PARD3B: variants seen among roughly 807,000 people sequenced by gnomAD.
The protein encoded by PARD3B is par-3 family cell polarity regulator beta.
PARD3B carries 103 observed loss-of-function variants against 130.2 expected under a neutral mutation model. That is an observed-to-expected ratio of 0.79 (90% CI 0.67 to 0.93). The LOEUF is 0.93. Ranked by LOEUF, PARD3B falls within the 40% of genes least tolerant of loss-of-function variation. PARD3B has a pLI of 0.00. For synonymous variants in PARD3B, 583 were observed against 553.2 expected, an observed-to-expected ratio of 1.05 and a Z score of -0.76; for missense variants, 1,609 against 1,499.2, an observed-to-expected ratio of 1.07 and a Z score of -1.21.
At chr2:204,937,606 C>A (rs1396860707) in intron 2 of PARD3B, among the ~76,000 whole-genome samples, 4 of 152,112 alleles carry the variant, frequency 2.6e-5, no homozygotes, top group Non-Finnish European at 5.9e-5. Flanking sequence ...AATATAACAT[C>A]ATTCTCACTT....
At chr2:204,643,439 A>G (rs1486531750) in intron 1 of PARD3B, among the ~76,000 whole-genome samples, 2 of 152,104 alleles carry the variant, frequency 1.3e-5, no homozygotes, top group African/African-American at 4.8e-5. Flanking sequence ...TCTCAAACAC[A>G]TGTCTACAGT....
rs138912853 is a variant in PARD3B at position 205,566,517 on chromosome 2, C to G, written c.3260+13114C>G. ...CACACACAGCAGCATGGGTGCTGGT[C>G]CCACTTCCCAGGAGACAAGGCAAAG... On this transcript the variant is annotated intron_variant, in intron 22 of 22. Transcript: ENST00000406610. Among the ~76,000 whole-genome samples the G allele has an allele frequency of 3.4e-3, 523 of 152,180 alleles. 6 individuals carry two copies. Among genetic ancestry groups the G allele is most frequent in the Non-Finnish European group, 1.7e-3 (116 of 68,022 alleles).
At chr2:205,233,548 A>T (rs182533076) in intron 15 of PARD3B, among the ~76,000 whole-genome samples, 67 of 152,254 alleles carry the variant, frequency 4.4e-4, no homozygotes, top group Middle Eastern at 6.8e-3. Context: ...ATATAAAAAT[A>T]TATTATTTTT....
At chr2:205,283,851 A>C (rs887197252) in intron 16 of PARD3B, among the ~76,000 whole-genome samples, 69 of 152,186 alleles carry the variant, frequency 4.5e-4, no homozygotes, top group African/African-American at 1.6e-3. Context: ...TCTTCCCTGA[A>C]GTAAGCCAGC....
At chr2:205,396,807 T>C (rs1051552101) in intron 18 of PARD3B, among the ~76,000 whole-genome samples, 1 of 152,220 alleles carries the variant, frequency 6.6e-6, no homozygotes, top group Admixed American at 6.5e-5. Context: ...CAGTGCATAT[T>C]TGAAACTCTA....
intron 4 of PARD3B, among the ~76,000 whole-genome samples, chr2:205,072,257 T>C (rs1464562872): frequency 1.5e-5 from 2 of 135,230 alleles, no homozygotes; most frequent in African/African-American, 5.4e-5. Context: ...TTTTTTTTTC[T>C]TCTTTGAGAC....
chr2:204,830,989 A>G (rs545030120), intron 2 of PARD3B, among the ~76,000 whole-genome samples: 1 of 152,238 alleles, frequency 6.6e-6, no homozygotes, highest in Non-Finnish European at 1.5e-5. Context: ...TATACTATAA[A>G]ATGATATCTC....
chr2:205,046,234 C>G (rs1304653851), intron 3 of PARD3B, among the ~76,000 whole-genome samples: 1 of 151,358 alleles, frequency 6.6e-6, no homozygotes, highest in Non-Finnish European at 1.5e-5. Flanking sequence ...GGTACTTTTT[C>G]TTGCTTCTAC....
intron 2 of PARD3B, among the ~76,000 whole-genome samples, chr2:204,731,300 T>G (rs570294461): frequency 6.6e-6 from 1 of 152,316 alleles, no homozygotes; most frequent in Admixed American, 6.5e-5. Flanking sequence ...CTTACTCAAT[T>G]TATCTAATTT....
intron 2 of PARD3B, among the ~76,000 whole-genome samples, chr2:204,912,769 A>G (rs1050254425): frequency 6.6e-6 from 1 of 152,208 alleles, no homozygotes; most frequent in Non-Finnish European, 1.5e-5. Flanking sequence ...ATTAAGAGGT[A>G]TTAGTAAGAA....
intron 20 of PARD3B, among the ~76,000 whole-genome samples, chr2:205,476,328 A>G (rs2049020092): frequency 6.6e-6 from 1 of 152,222 alleles, no homozygotes; most frequent in Non-Finnish European, 1.5e-5. Context: ...TACATTAGGT[A>G]GAATGGTGAA....
chr2:204,941,253 A>G (rs532449296), intron 2 of PARD3B, among the ~76,000 whole-genome samples: 2 of 152,202 alleles, frequency 1.3e-5, no homozygotes, highest in Non-Finnish European at 2.9e-5. Flanking sequence ...ACGTGCCCAT[A>G]GTCCCGGCTA....
intron 2 of PARD3B, among the ~76,000 whole-genome samples, chr2:204,927,027 C>A (rs1381084645): frequency 2.6e-5 from 4 of 152,048 alleles, no homozygotes; most frequent in South Asian, 2.1e-4. Flanking sequence ...GATACCCCCC[C>A]AAAAAGAAAT....
intron 18 of PARD3B, among the ~76,000 whole-genome samples, chr2:205,307,820 T>C (rs1301260897): frequency 6.6e-6 from 1 of 152,208 alleles, no homozygotes; most frequent in East Asian, 1.9e-4. Flanking sequence ...ATAGCTGCTG[T>C]TGTCTCTTTT....
chr2:204,638,317 T>C (rs185293258), intron 1 of PARD3B, among the ~76,000 whole-genome samples: 2 of 152,268 alleles, frequency 1.3e-5, no homozygotes, highest in Admixed American at 1.3e-4. Context: ...ACCTCACAAA[T>C]TTATTAAAGC....
At chr2:205,532,307 A>G (rs564728740) in intron 21 of PARD3B, among the ~76,000 whole-genome samples, 1 of 152,300 alleles carries the variant, frequency 6.6e-6, no homozygotes, top group African/African-American at 2.4e-5. Flanking sequence ...TGTTATGTTT[A>G]GTCACCTAGT....
chr2:204,897,905 T>G (rs1022967529), intron 2 of PARD3B, among the ~76,000 whole-genome samples: 1 of 150,936 alleles, frequency 6.6e-6, no homozygotes, highest in Non-Finnish European at 1.5e-5. Flanking sequence ...AAATACCTGA[T>G]AGGCCTTGGT....
In PARD3B at chr2:205,615,804, A is replaced by C; in HGVS notation, c.3609A>C (p.Ala1203=). 1 of 1,612,838 alleles carries C rather than the reference A, an allele frequency of 6.2e-7. No individual in the cohort carries two copies. Among genetic ancestry groups the C allele is most frequent in the South Asian group, 1.1e-5 (1 of 90,926 alleles). ...QDSRQKNPMT[A]AV ...CCCGGCAGAAGAACCCCATGACTGCAGCCGTATAGCTGAGTGCCACCGAGG... is the reference window on the plus strand; with the variant it reads ...CCCGGCAGAAGAACCCCATGACTGCCGCCGTATAGCTGAGTGCCACCGAGG... The change falls in exon 23 of 23, where the codon GCA becomes GCC. Residue 1203 remains alanine, a synonymous_variant. Transcript: ENST00000406610.
In PARD3B at chr2:205,301,470, T is replaced by C. The variant is rs763972705; in HGVS notation, c.2399T>C (p.Leu800Pro). The C allele has an allele frequency of 7.5e-6, 12 of 1,610,038 alleles. No homozygotes were observed. The South Asian group carries it at 1.2e-4, about 16-fold the overall frequency. ...TTATTTTTTCTCTGTACAGACGGTC[T>C]GTCTGATAAGAGCTCTCACTCTGGC... ...DGPEEIEADGLSDKSSHSGQG... is the reference protein window; with the variant it reads ...DGPEEIEADGPSDKSSHSGQG... Residue 800 changes from leucine (L) to proline (P), a missense_variant, in exon 18 of 23, where the codon CTG becomes CCG. Leu to Pro is a moderately conservative substitution (Grantham distance 98). Transcript: ENST00000406610. The surrounding 1 kb of genome is among the most constrained non-coding windows in gnomAD (Gnocchi z 5.2).
Sources: allele counts gnomAD v4.1 joint callset (sites outside exome capture counted in the v4.1 genomes callset), GRCh38; gene constraint gnomAD v4.1.1; non-coding constraint Gnocchi (gnomAD v3.1); transcripts MANE v1.5; gene names NCBI Gene and HGNC (gene_info 2026-07-23, HGNC 2026-07-21).